GRID1: variants seen among roughly 807,000 people sequenced by gnomAD.
GRID1 encodes the protein glutamate receptor ionotropic, delta-1.
Under a neutral mutation model 98.0 loss-of-function variants are expected in GRID1, and 28 were observed. The observed-to-expected ratio is 0.29, with a 90% CI of 0.21 to 0.39. The LOEUF is 0.39. Ranked by LOEUF, GRID1 falls within the 10% of genes least tolerant of loss-of-function variation. GRID1 has a pLI of 1.00. For synonymous variants in GRID1, 553 were observed against 538.5 expected, an observed-to-expected ratio of 1.03 and a Z score of -0.37; for missense variants, 1,111 against 1,340.5, an observed-to-expected ratio of 0.83 and a Z score of 2.67.
At chr10:86,087,407 C>T (rs750479614) in intron 4 of GRID1, among the ~76,000 whole-genome samples, 3 of 145,134 alleles carry the variant, frequency 2.1e-5, no homozygotes, top group Non-Finnish European at 3.0e-5. Flanking sequence ...TGTGTGTGTC[C>T]GGGGTGTCTG....
intron 4 of GRID1, among the ~76,000 whole-genome samples, chr10:86,138,605 G>A (rs1713882748): frequency 6.6e-6 from 1 of 152,224 alleles, no homozygotes; most frequent in Non-Finnish European, 1.5e-5. Flanking sequence ...CAGAGGCTGG[G>A]CAGGCCTTGA....
At chr10:85,999,187 G>C (rs536247168) in intron 4 of GRID1, among the ~76,000 whole-genome samples, 153 of 148,420 alleles carry the variant, frequency 1.0e-3, no homozygotes, top group Middle Eastern at 3.4e-3. Context: ...ACTCCAGCCT[G>C]GCCAACAGAG....
intron 2 of GRID1, among the ~76,000 whole-genome samples, chr10:86,328,701 C>A (rs1848091843): frequency 6.6e-6 from 1 of 152,172 alleles, no homozygotes; most frequent in Non-Finnish European, 1.5e-5. Flanking sequence ...ATCTCACATC[C>A]CCAGAAATGA....
chr10:85,854,148 C>T (rs1843086169), intron 8 of GRID1, among the ~76,000 whole-genome samples: 1 of 152,176 alleles, frequency 6.6e-6, no homozygotes. Context: ...CCACAATTCA[C>T]ACTTGTCCCT....
chr10:86,133,937 C>A (rs1172696921), intron 4 of GRID1, among the ~76,000 whole-genome samples: 7 of 152,126 alleles, frequency 4.6e-5, no homozygotes. Flanking sequence ...AGTTTAAAAT[C>A]ATTTAATTTT....
intron 4 of GRID1, among the ~76,000 whole-genome samples, chr10:86,123,788 C>T (rs917471814): frequency 3.3e-5 from 5 of 152,188 alleles, no homozygotes; most frequent in African/African-American, 1.2e-4. Flanking sequence ...CCCATGTGCA[C>T]ACACATTAAT....
Position 86,346,200 on chromosome 10 carries a change from G to C in GRID1, c.235+17741C>G, listed in dbSNP as rs1296083138. ...GCCTGCCAGGGCAACTCCAGCACAT[G>C]GGTTCTGCCAGCTGGAAACACCGTC... On this transcript the variant is annotated intron_variant, in intron 2 of 15. Coordinates refer to ENST00000327946, the MANE Select transcript of GRID1 (RefSeq NM_017551.3). Among the ~76,000 whole-genome samples, 3 of 152,232 alleles carry C rather than the reference G, an allele frequency of 2.0e-5. No individual in the cohort carries two copies. In the East Asian group the frequency reaches 5.8e-4, roughly 29 times the overall value.
intron 12 of GRID1, among the ~76,000 whole-genome samples, chr10:85,666,372 G>A (rs1268360693): frequency 6.6e-6 from 1 of 152,176 alleles, no homozygotes; most frequent in Non-Finnish European, 1.5e-5. Context: ...CAGTTCTCCT[G>A]GAGGGTGTGG....
At chr10:86,225,131 G>T (rs181941166) in intron 2 of GRID1, among the ~76,000 whole-genome samples, 1 of 152,308 alleles carries the variant, frequency 6.6e-6, no homozygotes, top group Admixed American at 6.5e-5. Context: ...AGACAACCCT[G>T]GTGTGAAGAC....
intron 2 of GRID1, among the ~76,000 whole-genome samples, chr10:86,289,417 G>A (rs1321589770): frequency 1.3e-5 from 2 of 151,644 alleles, no homozygotes; most frequent in Non-Finnish European, 2.9e-5. Flanking sequence ...GCTGCCCTTG[G>A]TGATTCAGCA....
chr10:86,035,987 G>A (rs779659826), intron 4 of GRID1, among the ~76,000 whole-genome samples: 51 of 152,186 alleles, frequency 3.4e-4, no homozygotes, highest in Non-Finnish European at 6.3e-4. Context: ...GGACCTGGGC[G>A]TGTCTTCAAA....
chr10:85,992,615 T>TGGG (rs553943841), intron 4 of GRID1, among the ~76,000 whole-genome samples: 17 of 144,074 alleles, frequency 1.2e-4, no homozygotes, highest in African/African-American at 2.6e-4. Flanking sequence ...TGAGGAGAGG[T>TGGG]GGGGGGGGAA....
At chr10:86,125,625 G>A (rs1355535471) in intron 4 of GRID1, among the ~76,000 whole-genome samples, 2 of 152,156 alleles carry the variant, frequency 1.3e-5, no homozygotes, top group Non-Finnish European at 2.9e-5. Flanking sequence ...CTTACCTGTG[G>A]ATTTTTTTCA....
intron 5 of GRID1, among the ~76,000 whole-genome samples, chr10:85,884,654 C>T (rs1841086459): frequency 6.6e-6 from 1 of 152,124 alleles, no homozygotes; most frequent in African/African-American, 2.4e-5. Flanking sequence ...TAATAGGTTC[C>T]ACCCATAAAT....
intron 4 of GRID1, among the ~76,000 whole-genome samples, chr10:86,128,003 G>C (rs1282925548): frequency 6.6e-6 from 1 of 152,182 alleles, no homozygotes; most frequent in Admixed American, 6.5e-5. Context: ...TCCAGCTTAT[G>C]ACCAGTAAAT....
chr10:85,882,270 T>C (rs1841041501), intron 5 of GRID1, among the ~76,000 whole-genome samples: 1 of 152,224 alleles, frequency 6.6e-6, no homozygotes, highest in Non-Finnish European at 1.5e-5. Context: ...ATCCCATTAC[T>C]GGATATATAC....
chr10:86,048,360 G>A (rs1448299962), intron 4 of GRID1, among the ~76,000 whole-genome samples: 5 of 152,150 alleles, frequency 3.3e-5, no homozygotes, highest in South Asian at 2.1e-4. Context: ...GTCTATTTAC[G>A]TAATTACTTC....
intron 4 of GRID1, among the ~76,000 whole-genome samples, chr10:86,095,893 C>T (rs192004464): frequency 9.2e-5 from 14 of 152,250 alleles, no homozygotes; most frequent in Admixed American, 7.2e-4. Context: ...AGTCATTACT[C>T]GAAAAAGATA....
chr10:86,354,014 G>A (rs1421478456), intron 2 of GRID1, among the ~76,000 whole-genome samples: 1 of 152,158 alleles, frequency 6.6e-6, no homozygotes, highest in African/African-American at 2.4e-5. Context: ...AGGCCAGAGT[G>A]GGGCCACTCC....
Sources: gnomAD v4.1 joint callset for allele counts (sites outside exome capture counted in the v4.1 genomes callset) on GRCh38, gnomAD v4.1.1 for gene constraint, MANE v1.5 for transcripts, NCBI Gene and HGNC (gene_info 2026-07-23, HGNC 2026-07-21) for gene names.